Variants in OTOA observed in about 807,000 individuals in gnomAD.
The protein encoded by OTOA is otoancorin.
OTOA carries 70 observed loss-of-function variants against 110.8 expected under a neutral mutation model. The observed-to-expected ratio is 0.63, with a 90% CI of 0.52 to 0.77. OTOA has a LOEUF of 0.77. Ranked by LOEUF, OTOA falls within the 30% of genes least tolerant of loss-of-function variation. OTOA has a pLI of 0.00. For missense variants in OTOA, 917 were observed against 1,075.8 expected, an observed-to-expected ratio of 0.85 and a Z score of 2.06; for synonymous variants, 373 against 431.5, an observed-to-expected ratio of 0.86 and a Z score of 1.68.
intron 12 of OTOA, among the ~76,000 whole-genome samples, chr16:21,707,054 G>A (rs1038349896): frequency 9.2e-5 from 14 of 151,534 alleles, no homozygotes; most frequent in African/African-American, 3.4e-4. Context: ...TAGTAGAGAT[G>A]GGGTTTTACC....
intron 8 of OTOA, among the ~76,000 whole-genome samples, chr16:21,689,033 TTGGTTACACCTAGCCCTGCA>T (rs1253433594): frequency 1.3e-5 from 2 of 152,166 alleles, no homozygotes; most frequent in African/African-American, 4.8e-5. Context: ...CCAGCTTAGA[TTGGTTACACCTAGCCCTGCA>T]TGAAATTGCG....
At chr16:21,681,258 G>C (rs1180454578) in intron 5 of OTOA, among the ~76,000 whole-genome samples, 1 of 152,192 alleles carries the variant, frequency 6.6e-6, no homozygotes, top group East Asian at 1.9e-4. Context: ...CAGATTCCTA[G>C]AATTGGAAAC....
At chr16:21,711,388 T>G (rs528038018) in intron 13 of OTOA, among the ~76,000 whole-genome samples, 1 of 152,278 alleles carries the variant, frequency 6.6e-6, no homozygotes, top group South Asian at 2.1e-4. Flanking sequence ...GACATTCTTT[T>G]GGGGACAATT....
intron 18 of OTOA, among the ~76,000 whole-genome samples, chr16:21,724,203 T>G (rs2141713247): frequency 6.6e-6 from 1 of 152,234 alleles, no homozygotes; most frequent in South Asian, 2.1e-4. Flanking sequence ...TCATGCAGCC[T>G]TTCTCAACTT....
chr16:21,683,081 T>A (rs907100578), intron 6 of OTOA, among the ~76,000 whole-genome samples: 13 of 152,252 alleles, frequency 8.5e-5, no homozygotes, highest in Admixed American at 8.5e-4. Context: ...TCATTTAATA[T>A]CTACTGAGTT....
intron 14 of OTOA, among the ~76,000 whole-genome samples, chr16:21,715,815 G>A (rs1322035753): frequency 6.6e-6 from 1 of 151,790 alleles, no homozygotes; most frequent in East Asian, 1.9e-4. Context: ...ACTGTGCCTG[G>A]CCTAAAATTT....
In OTOA at chr16:21,709,684, A is replaced by G. The variant is rs550451467; in HGVS notation, c.1105-204A>G. The stretch of plus-strand genomic sequence containing the variant: ...AGGGAATTTTTGGCACATGAAAGCT[A>G]AGGCCAGAAGAGGTGTCCTCCGTGT... On this transcript the variant is annotated intron_variant, in intron 12 of 28. Transcript: ENST00000646100. 3.3e-5 allele frequency among the ~76,000 whole-genome samples: 5 copies of G among 152,302 alleles called. No homozygotes were observed. The South Asian group carries it at 1.0e-3, about 32-fold the overall frequency.
At chr16:21,737,880 G>A (rs1298035969) in intron 22 of OTOA, among the ~76,000 whole-genome samples, 1 of 152,312 alleles carries the variant, frequency 6.6e-6, no homozygotes, top group Non-Finnish European at 1.5e-5. Flanking sequence ...GGCCAGGCAT[G>A]AGGAGACAAA....
intron 19 of OTOA, among the ~76,000 whole-genome samples, chr16:21,727,960 G>A (rs951301466): frequency 9.2e-5 from 14 of 151,818 alleles, no homozygotes; most frequent in African/African-American, 3.4e-4. Flanking sequence ...TGCCTCCCGG[G>A]TTCAAGCAAT....
intron 13 of OTOA, among the ~76,000 whole-genome samples, chr16:21,710,586 G>A (rs1190541504): frequency 6.6e-6 from 1 of 152,198 alleles, no homozygotes; most frequent in Non-Finnish European, 1.5e-5. Flanking sequence ...TCAGTAAGAA[G>A]ATGATGCTGA....
In OTOA at chr16:21,681,844, T is replaced by A. The variant is rs762780701; in HGVS notation, c.267+19T>A. The A allele has an allele frequency of 1.9e-6, 3 of 1,601,564 alleles. No homozygotes were observed. The highest frequency in any genetic ancestry group is 2.2e-5 in the South Asian group (2 of 90,804). On this transcript the variant is annotated intron_variant, in intron 6 of 28. Transcript: ENST00000646100. Reference sequence around the variant, plus strand: ...CCTGCAGGTGTGTACCTGAGACCCATCTATATGTTCCCATCTCAGTGCTCA... The same window carrying A: ...CCTGCAGGTGTGTACCTGAGACCCAACTATATGTTCCCATCTCAGTGCTCA...
At chr16:21,707,641 CTTTCTTTCTTTCTTTCTCTT>C (rs1264131156) in intron 12 of OTOA, among the ~76,000 whole-genome samples, 16 of 102,112 alleles carry the variant, frequency 1.6e-4, no homozygotes, top group African/African-American at 4.4e-4. Context: ...TTCTTTCTTT[CTTTCTTTCTTTCTTTCTCTT>C]TCTTTCTCTT....
chr16:21,673,064 C>G (rs566210446), intron 1 of OTOA, among the ~76,000 whole-genome samples: 1 of 152,270 alleles, frequency 6.6e-6, no homozygotes, highest in South Asian at 2.1e-4. Flanking sequence ...CAGAGGATCA[C>G]TTGAACACAG....
intron 22 of OTOA, among the ~76,000 whole-genome samples, chr16:21,737,872 C>T (rs2141736608): frequency 6.6e-6 from 1 of 152,428 alleles, no homozygotes; most frequent in Non-Finnish European, 1.5e-5. Flanking sequence ...CAGACTGGGG[C>T]CAGGCATGAG....
At chr16:21,728,123 C>T in intron 19 of OTOA, 118 bp from the exon 20 acceptor site, 1 of 1,314,048 alleles carries the variant, frequency 7.6e-7, no homozygotes, top group South Asian at 1.2e-5. Flanking sequence ...CCTCGGCCTC[C>T]CAGAGTGCTG....
At position 21,673,621 on chromosome 16, in the gene OTOA, C is replaced by T. The variant is rs146250840; in HGVS notation, c.-4-4890C>T. ...CCCTTTAGGTGCATCAAAGTTGTTG[C>T]CTGTATCAATAGTTCATTCCTTTTC... On this transcript the variant is annotated intron_variant, in intron 1 of 28. Transcript: ENST00000646100. 1.1e-3 allele frequency among the ~76,000 whole-genome samples: 163 copies of T among 152,280 alleles called. 1 individual carries two copies. Among genetic ancestry groups the T allele is most frequent in the African/African-American group, 3.7e-3 (154 of 41,564 alleles).
intron 11 of OTOA, among the ~76,000 whole-genome samples, chr16:21,703,795 G>A (rs1898100104): frequency 6.6e-6 from 1 of 152,232 alleles, no homozygotes; most frequent in East Asian, 1.9e-4. Flanking sequence ...AACTCTAAGA[G>A]CATTCATTAA....
chr16:21,686,289 C>CTT (rs34034416), intron 7 of OTOA, among the ~76,000 whole-genome samples: 5 of 140,756 alleles, frequency 3.6e-5, no homozygotes, highest in East Asian at 4.1e-4. Context: ...AAAATGGAGG[C>CTT]TTTTTTTTTT....
intron 9 of OTOA, among the ~76,000 whole-genome samples, chr16:21,695,877 A>ATTTTT: frequency 2.9e-5 from 1 of 34,690 alleles, no homozygotes; most frequent in Non-Finnish European, 5.7e-5. Context: ...ATATATATAT[A>ATTTTT]TATATATATA....
Sources: gnomAD v4.1 joint callset for allele counts (sites outside exome capture counted in the v4.1 genomes callset) on GRCh38, gnomAD v4.1.1 for gene constraint, MANE v1.5 for transcripts, NCBI Gene and HGNC (gene_info 2026-07-23, HGNC 2026-07-21) for gene names.